The following ORMDL1 variants were observed in gnomAD, a reference collection of about 807,000 sequenced individuals.
ORMDL1 encodes ORMDL sphingolipid biosynthesis regulator 1, also known as ORM1-like protein 1.
ORMDL1 carries 10 observed loss-of-function variants against 13.0 expected under a neutral mutation model. The observed-to-expected ratio is 0.77, with a 90% confidence interval of 0.47 to 1.30. ORMDL1 has a LOEUF of 1.30. Among genes scored for constraint, ORMDL1 ranks in the 50% most tolerant of loss-of-function variants. The probability of loss-of-function intolerance (pLI) is 0.00; values close to 1 mark genes in which losing one functional copy is unlikely to be tolerated. For missense variants in ORMDL1, 171 were observed against 186.7 expected, an observed-to-expected ratio of 0.92 and a Z score of 0.49; for synonymous variants, 61 against 63.9, an observed-to-expected ratio of 0.95 and a Z score of 0.22.
chr2:189,765,726 G>A (rs114294527), downstream of ORMDL1, among the ~76,000 whole-genome samples: 2,463 of 152,008 alleles, frequency 0.016, 67 homozygotes, highest in African/African-American at 0.056. Flanking sequence ...TGTGTGTGGT[G>A]CTTTTAATGG....
chr2:189,778,566 T>C, intron 3 of ORMDL1: 1 of 409,700 alleles, frequency 2.4e-6, no homozygotes. Flanking sequence ...CTGTAGGAAA[T>C]CAGGCAGAGC....
At chr2:189,778,337 G>A in intron 3 of ORMDL1, 1 of 448,132 alleles carries the variant, frequency 2.2e-6, no homozygotes, top group South Asian at 1.6e-5. Context: ...GGAGGTTGCA[G>A]TGAGCCAAGA....
Position 189,782,571 on chromosome 2 carries a change from C to T in ORMDL1, c.25G>A (p.Glu9Lys). ...ATGACACGGGTATTTGGATTCACTT[C>T]ACTGTGGGCAACTCCAACGTTCATG... is the stretch of plus-strand genomic sequence containing the variant. MNVGVAHSEVNPNTRVMNS... is the reference protein window; with the variant it reads MNVGVAHSKVNPNTRVMNS... Residue 9 changes from glutamate (E) to lysine (K), a missense_variant, in exon 3 of 5, where the codon GAA becomes AAA. Physicochemically the swap from Glu to Lys is moderately conservative, Grantham distance 56 (BLOSUM62 1). Coordinates refer to ENST00000392349, the MANE Select transcript of ORMDL1 (RefSeq NM_016467.5). 6.2e-7 allele frequency: 1 copy of T among 1,614,156 alleles called. No homozygotes were observed. The highest frequency in any genetic ancestry group is 8.5e-7 in the Non-Finnish European group (1 of 1,180,004).
chr2:189,764,220 G>A, the ORMDL1 span: 1 of 152,194 alleles, frequency 6.6e-6, no homozygotes, highest in Admixed American at 6.5e-5. Flanking sequence ...TTAGTCATAC[G>A]GTTAGAGAGG....
At chr2:189,769,932 A>G (rs1269492250), downstream of ORMDL1, among the ~76,000 whole-genome samples, 1 of 152,178 alleles carries the variant, frequency 6.6e-6, no homozygotes, top group Non-Finnish European at 1.5e-5. Flanking sequence ...CATTTATGGC[A>G]TGGCAATTTA....
At chr2:189,782,349 C>A in intron 3 of ORMDL1, 73 bp downstream of exon 3, 2 of 1,364,368 alleles carry the variant, frequency 1.5e-6, no homozygotes, top group Non-Finnish European at 1.0e-6. Context: ...CTTTCCATTC[C>A]TTCCTCCCCT....
Position 189,783,085 on chromosome 2 carries a change from G to A in ORMDL1, c.-79C>T, listed in dbSNP as rs2047917498. The A allele has an allele frequency of 6.4e-6, 1 of 155,340 alleles. No homozygotes were observed. The highest frequency in any genetic ancestry group is 1.9e-4 in the South Asian group (1 of 5,232). 9.6% of individuals were successfully genotyped at this position (155,340 alleles called of 1,614,324 possible). On this transcript the variant is annotated 5_prime_UTR_variant, in exon 2 of 5. Coordinates refer to ENST00000392349, the MANE Select transcript of ORMDL1 (RefSeq NM_016467.5). ...ATCCATAAAGAATGGTCAGAGTTCAGATCACTTCTTTCTGAATACTCAATG... is the reference window on the plus strand; with the variant it reads ...ATCCATAAAGAATGGTCAGAGTTCAAATCACTTCTTTCTGAATACTCAATG...
intron 3 of ORMDL1, chr2:189,778,404 G>A (rs1003345789): frequency 2.2e-6 from 1 of 453,966 alleles, no homozygotes; most frequent in Non-Finnish European, 4.4e-6. Context: ...CAAAAAAAAA[G>A]GACTAACTTA....
chr2:189,770,209 A>G (rs990355180), downstream of ORMDL1: 2 of 152,212 alleles, frequency 1.3e-5, no homozygotes, highest in African/African-American at 4.8e-5. Flanking sequence ...GAACTTTAAA[A>G]TAAAGAAAAA....
At chr2:189,773,595 G>A (rs185470169) in intron 4 of ORMDL1, among the ~76,000 whole-genome samples, 2,467 of 152,010 alleles carry the variant, frequency 0.016, 68 homozygotes, top group African/African-American at 0.056. Flanking sequence ...GGTGGTGCAC[G>A]CCTGTAGTCC....
chr2:189,771,691 C>A lies in ORMDL1; in HGVS notation c.*76G>T. On this transcript the variant is annotated 3_prime_UTR_variant, in exon 5 of 5. Transcript: ENST00000392349. ...TTCTCATTTCACATTATCACAGAAA[C>A]AGTGCAGTTTACTAACCACTCCTTC... 1 of 1,258,258 alleles carries A rather than the reference C, an allele frequency of 7.9e-7. No homozygotes were observed. Among genetic ancestry groups the A allele is most frequent in the Admixed American group, 2.5e-5 (1 of 39,508 alleles). 77.9% of individuals were successfully genotyped at this position (1,258,258 alleles called of 1,614,324 possible).
chr2:189,781,038 C>T (rs910208581), intron 3 of ORMDL1, among the ~76,000 whole-genome samples: 2 of 152,152 alleles, frequency 1.3e-5, no homozygotes. Context: ...CTCAGCCTCC[C>T]GAATAGCTGG....
At chr2:189,766,054 T>TG (rs2047478588), downstream of ORMDL1, among the ~76,000 whole-genome samples, 2 of 151,948 alleles carry the variant, frequency 1.3e-5, no homozygotes, top group Non-Finnish European at 2.9e-5. Context: ...CTCCATCTCT[T>TG]GACCTCGTGA....
intron 3 of ORMDL1, among the ~76,000 whole-genome samples, chr2:189,780,326 T>TA (rs2047795555): frequency 6.6e-6 from 1 of 152,224 alleles, no homozygotes; most frequent in Non-Finnish European, 1.5e-5. Flanking sequence ...GGGTTTCTGA[T>TA]TAGGGATGCT....
At chr2:189,774,173 T>C (rs895532745) in intron 4 of ORMDL1, among the ~76,000 whole-genome samples, 20 of 152,232 alleles carry the variant, frequency 1.3e-4, no homozygotes, top group African/African-American at 4.8e-4. Context: ...CTTATTTATT[T>C]AATAAATCGG....
At chr2:189,779,428 T>C (rs2047772936) in intron 3 of ORMDL1, among the ~76,000 whole-genome samples, 1 of 151,916 alleles carries the variant, frequency 6.6e-6, no homozygotes, top group African/African-American at 2.4e-5. Flanking sequence ...AACAAAAGAG[T>C]ACTTGGTCCA....
chr2:189,768,328 T>C (rs2047516282), downstream of ORMDL1, among the ~76,000 whole-genome samples: 1 of 152,218 alleles, frequency 6.6e-6, no homozygotes, highest in Admixed American at 6.5e-5. Context: ...TTTCTGTCTA[T>C]CCTGTTAGAA....
At chr2:189,767,485 C>G (rs2047500781), downstream of ORMDL1, among the ~76,000 whole-genome samples, 1 of 152,034 alleles carries the variant, frequency 6.6e-6, no homozygotes, top group African/African-American at 2.4e-5. Context: ...CCGGGGTTTT[C>G]AAAATAAGAT....
chr2:189,771,713 C>A lies in ORMDL1; in HGVS notation c.*54G>T. ...AAACAGTGCAGTTTACTAACCACTC[C>A]TTCCTTATAAGAAATTCAGTAGCTG... On this transcript the variant is annotated 3_prime_UTR_variant, in exon 5 of 5. Coordinates refer to ENST00000392349, the MANE Select transcript of ORMDL1 (RefSeq NM_016467.5). 1 of 1,474,314 alleles carries A rather than the reference C, an allele frequency of 6.8e-7. No individual in the cohort carries two copies. Among genetic ancestry groups the A allele is most frequent in the Non-Finnish European group, 9.2e-7 (1 of 1,086,222 alleles). 91.3% of individuals were successfully genotyped at this position (1,474,314 alleles called of 1,614,324 possible). A position where few individuals can be genotyped will look rare whatever the true frequency, so the allele number is the denominator to read the frequency against.
Sources: allele counts gnomAD v4.1 joint callset (sites outside exome capture counted in the v4.1 genomes callset), GRCh38; gene constraint gnomAD v4.1.1; transcripts MANE v1.5; gene names NCBI Gene and HGNC (gene_info 2026-07-23, HGNC 2026-07-21).